Variants in RNF6 observed in about 807,000 individuals in gnomAD.
RNF6 encodes the protein ring finger protein 6.
A neutral mutation model predicts 50.1 loss-of-function variants in RNF6; 21 were observed. That is an observed-to-expected ratio of 0.42 (90% CI 0.30 to 0.60). RNF6 has a LOEUF of 0.60. Ranked by LOEUF, RNF6 falls within the 20% of genes least tolerant of loss-of-function variation. The pLI is 0.20. For synonymous variants in RNF6, 255 were observed against 291.8 expected, an observed-to-expected ratio of 0.87 and a Z score of 1.29; for missense variants, 698 against 838.2, an observed-to-expected ratio of 0.83 and a Z score of 2.07.
intron 5 of RNF6, among the ~76,000 whole-genome samples, chr13:26,141,379 G>A (rs1287653001): frequency 3.3e-5 from 5 of 150,288 alleles, no homozygotes; most frequent in Non-Finnish European, 5.9e-5. Context: ...AGTGAGCAGA[G>A]GTTGTGCCAC....
chr13:26,147,244 G>T (rs1367654206), intron 5 of RNF6, among the ~76,000 whole-genome samples: 1 of 152,182 alleles, frequency 6.6e-6, no homozygotes, highest in African/African-American at 2.4e-5. Flanking sequence ...TGCCCTCATT[G>T]GTACACACTG....
At chr13:26,192,901 A>C (rs1188317437) in intron 5 of RNF6, among the ~76,000 whole-genome samples, 1 of 152,236 alleles carries the variant, frequency 6.6e-6, no homozygotes, top group Admixed American at 6.5e-5. Context: ...TGACGCACAG[A>C]AACTGTAATA....
At chr13:26,132,610 A>C (rs1870448729) in intron 5 of RNF6, among the ~76,000 whole-genome samples, 1 of 152,236 alleles carries the variant, frequency 6.6e-6, no homozygotes, top group African/African-American at 2.4e-5. Context: ...CTTTAATATA[A>C]ACCTTGTTAG....
chr13:26,184,939 G>C (rs1252583673), intron 5 of RNF6, among the ~76,000 whole-genome samples: 1 of 152,114 alleles, frequency 6.6e-6, no homozygotes, highest in Non-Finnish European at 1.5e-5. Context: ...GAGCTCCAAA[G>C]TGCGCTGCAG....
intron 5 of RNF6, among the ~76,000 whole-genome samples, chr13:26,145,547 T>G (rs886476452): frequency 3.3e-5 from 5 of 152,184 alleles, no homozygotes; most frequent in African/African-American, 9.7e-5. Context: ...TCTTCTCTCT[T>G]TGCCTCCTAC....
chr13:26,192,211 A>G (rs1324239502), intron 5 of RNF6, among the ~76,000 whole-genome samples: 1 of 152,230 alleles, frequency 6.6e-6, no homozygotes, highest in African/African-American at 2.4e-5. Context: ...TTATATTGAA[A>G]ATGGGCAAAG....
chr13:26,214,839 C>T lies in RNF6; in HGVS notation c.1043G>A (p.Arg348Gln), dbSNP rs566872576. ...RRSVRRRGRT[R>Q]VFLEQDRERE... ...TTCTCTATCTTGCTCTAAAAAGACT[C>T]GAGTTCTACCTCTCCTCCTAACAGA... Residue 348 changes from arginine to glutamine, a missense_variant, in exon 5 of 5, where the codon CGA becomes CAA. By Grantham distance (43) the Arg-to-Gln change is conservative. Coordinates refer to ENST00000381588, the MANE Select transcript of RNF6 (RefSeq NM_005977.4). The T allele has an allele frequency of 5.6e-6, 9 of 1,614,182 alleles. No individual in the cohort carries two copies. Among genetic ancestry groups the T allele is most frequent in the African/African-American group, 1.3e-5 (1 of 75,038 alleles).
chr13:26,217,289 G>A (rs1869982741), intron 4 of RNF6, among the ~76,000 whole-genome samples: 1 of 152,208 alleles, frequency 6.6e-6, no homozygotes. Flanking sequence ...GTAAAAGGCA[G>A]GTGAACATGA....
At chr13:26,176,709 G>A (rs1214204054) in intron 5 of RNF6, among the ~76,000 whole-genome samples, 1 of 152,216 alleles carries the variant, frequency 6.6e-6, no homozygotes, top group Non-Finnish European at 1.5e-5. Context: ...GAGGCAGGTG[G>A]AACACCTGAG....
chr13:26,141,425 C>CA (rs34336773), intron 5 of RNF6, among the ~76,000 whole-genome samples: 1,891 of 129,960 alleles, frequency 0.015, 39 homozygotes, highest in African/African-American at 0.047. Flanking sequence ...AAGACTCTGT[C>CA]AAAAAAAAAA....
intron 5 of RNF6, among the ~76,000 whole-genome samples, chr13:26,188,446 CAAGA>C (rs1873657275): frequency 6.6e-6 from 1 of 152,066 alleles, no homozygotes; most frequent in Non-Finnish European, 1.5e-5. Context: ...CTGGAATTAT[CAAGA>C]GTCTGGCTGA....
chr13:26,166,659 G>T (rs188417632), intron 5 of RNF6, among the ~76,000 whole-genome samples: 95 of 152,274 alleles, frequency 6.2e-4, no homozygotes, highest in Admixed American at 5.3e-3. Context: ...GAGGTGAAAG[G>T]TCTCTACAAT....
In RNF6 at chr13:26,213,204, T is replaced by C. The variant is rs544824990; in HGVS notation, c.*620A>G. 12 of 152,774 alleles carry C rather than the reference T, an allele frequency of 7.9e-5. No individual in the cohort carries two copies. Among genetic ancestry groups the C allele is most frequent in the Admixed American group, 7.2e-4 (11 of 15,300 alleles). 9.5% of individuals were successfully genotyped at this position (152,774 alleles called of 1,614,324 possible). ...CCTTTCTCTGAGATGAACTTGCCAA[T>C]ATTAAACATTGTGCCATATGCAGTA... On this transcript the variant is annotated 3_prime_UTR_variant, in exon 5 of 5. Coordinates refer to ENST00000381588, the MANE Select transcript of RNF6 (RefSeq NM_005977.4).
At chr13:26,160,984 A>G (rs1222734178) in intron 5 of RNF6, among the ~76,000 whole-genome samples, 1 of 152,104 alleles carries the variant, frequency 6.6e-6, no homozygotes, top group Non-Finnish European at 1.5e-5. Flanking sequence ...GGAAGACCCT[A>G]TCTCCAAAAA....
intron 5 of RNF6, among the ~76,000 whole-genome samples, chr13:26,173,279 G>A (rs112291698): frequency 0.017 from 2,515 of 152,278 alleles, 57 homozygotes; most frequent in African/African-American, 0.055. Context: ...CATTTCAGCC[G>A]TGCTTGTAAC....
chr13:26,209,790 T>C (rs1309043458), downstream of RNF6, among the ~76,000 whole-genome samples: 1 of 152,062 alleles, frequency 6.6e-6, no homozygotes, highest in Non-Finnish European at 1.5e-5. Context: ...ATGTGAGATA[T>C]ATATATATAT....
intron 5 of RNF6, among the ~76,000 whole-genome samples, chr13:26,147,003 T>C (rs1871284956): frequency 6.6e-6 from 1 of 152,198 alleles, no homozygotes; most frequent in Non-Finnish European, 1.5e-5. Flanking sequence ...CCTGCAAAAC[T>C]GTGAGCTAAT....
intron 5 of RNF6, among the ~76,000 whole-genome samples, chr13:26,152,492 C>A (rs1345530333): frequency 6.6e-6 from 1 of 152,208 alleles, no homozygotes; most frequent in Admixed American, 6.5e-5. Flanking sequence ...TTTATAAATA[C>A]TCTGTCTTAT....
intron 5 of RNF6, among the ~76,000 whole-genome samples, chr13:26,154,677 A>G (rs754866921): frequency 1.3e-5 from 2 of 152,216 alleles, no homozygotes; most frequent in Admixed American, 6.5e-5. Flanking sequence ...AGGTGTACAT[A>G]TATGTTAAGG....
Sources: allele counts gnomAD v4.1 joint callset (sites outside exome capture counted in the v4.1 genomes callset), GRCh38; gene constraint gnomAD v4.1.1; transcripts MANE v1.5; gene names NCBI Gene and HGNC (gene_info 2026-07-23, HGNC 2026-07-21).